Variants in DGKI observed in about 807,000 individuals in gnomAD.
The protein encoded by DGKI is DAG kinase iota.
Under a neutral mutation model 147.5 loss-of-function variants are expected in DGKI, and 55 were observed. That is an observed-to-expected ratio of 0.37 (90% CI 0.30 to 0.47). The LOEUF is 0.47. DGKI is among the 20% of genes least tolerant of loss of function. The probability of loss-of-function intolerance (pLI) is 1.00; values close to 1 mark genes in which losing one functional copy is unlikely to be tolerated. For synonymous variants in DGKI, 469 were observed against 477.1 expected, an observed-to-expected ratio of 0.98 and a Z score of 0.22; for missense variants, 1,007 against 1,323.8, an observed-to-expected ratio of 0.76 and a Z score of 3.71.
intron 5 of DGKI, among the ~76,000 whole-genome samples, chr7:137,651,855 T>A (rs566384276): frequency 3.2e-4 from 48 of 152,256 alleles, no homozygotes; most frequent in African/African-American, 1.1e-3. Flanking sequence ...ATCTTGAATA[T>A]TTTTGAGAGA....
At chr7:137,429,737 G>A (rs1812983109) in intron 28 of DGKI, among the ~76,000 whole-genome samples, 1 of 142,740 alleles carries the variant, frequency 7.0e-6, no homozygotes, top group Non-Finnish European at 1.5e-5. Context: ...TCAAAAAGTG[G>A]GCGAAGGACA....
At chr7:137,721,221 C>T (rs1286053974) in intron 1 of DGKI, among the ~76,000 whole-genome samples, 1 of 152,196 alleles carries the variant, frequency 6.6e-6, no homozygotes, top group Non-Finnish European at 1.5e-5. Flanking sequence ...AGGCCCTACA[C>T]CACATTGTTT....
In DGKI at chr7:137,517,279, A is replaced by AAG. The variant is rs1816788718; in HGVS notation, c.2248+4586_2248+4587insCT. Reference sequence around the variant, plus strand: ...AAGAAAGAAAGAAAGAAAGAAAAGAAAAAGAAAGAAAGAAAGAAAGAAAGA... The same window carrying AAG: ...AAGAAAGAAAGAAAGAAAGAAAAGAAAGAAAGAAAGAAAGAAAGAAAGAAAGA... On this transcript the variant is annotated intron_variant, in intron 21 of 32. Coordinates refer to ENST00000614521, the MANE Select transcript of DGKI (RefSeq NM_001321708.2). Among the ~76,000 whole-genome samples, 80 of 79,784 alleles carry AAG rather than the reference A, an allele frequency of 1.0e-3. 2 individuals are homozygous for AAG. The highest frequency in any genetic ancestry group is 4.4e-3 in the African/African-American group (64 of 14,416). The allele number at this position is 79,784 out of a possible 152,430, so 52.3% of individuals were successfully genotyped here.
At chr7:137,814,739 A>C (rs1179726239) in intron 1 of DGKI, among the ~76,000 whole-genome samples, 3 of 152,230 alleles carry the variant, frequency 2.0e-5, no homozygotes, top group Non-Finnish European at 4.4e-5. Flanking sequence ...AGTATTATTA[A>C]ATGTTATAAG....
At chr7:137,430,401 T>C (rs941988601) in intron 28 of DGKI, among the ~76,000 whole-genome samples, 1 of 119,748 alleles carries the variant, frequency 8.4e-6, no homozygotes, top group Non-Finnish European at 1.7e-5. Context: ...CTGGGGACTA[T>C]TGTGGCGTGG....
intron 3 of DGKI, among the ~76,000 whole-genome samples, chr7:137,662,788 T>C (rs1822491908): frequency 6.6e-6 from 1 of 152,176 alleles, no homozygotes; most frequent in Non-Finnish European, 1.5e-5. Flanking sequence ...AAAGACTCCA[T>C]GTGTTTGTGC....
intron 28 of DGKI, among the ~76,000 whole-genome samples, chr7:137,421,737 C>T (rs1259069039): frequency 6.6e-6 from 1 of 152,220 alleles, no homozygotes; most frequent in East Asian, 1.9e-4. Context: ...CATGAGGACA[C>T]TTTTTTCTCT....
intron 22 of DGKI, 77 bp from the exon 23 acceptor site, chr7:137,485,495 G>A: frequency 9.1e-7 from 1 of 1,095,292 alleles, no homozygotes; most frequent in Non-Finnish European, 1.3e-6. Flanking sequence ...AATCTCAACT[G>A]AACTCCCAAT....
At position 137,831,224 on chromosome 7, in the gene DGKI, T is replaced by A. The variant is rs867553080; in HGVS notation, c.401+15238A>T. ...GATATTTTATCAGTTAGACTTTTTT[T>A]AAACCACCTAGTTAACTTAAACAAA... On this transcript the variant is annotated intron_variant, in intron 1 of 32. Coordinates refer to ENST00000614521, the MANE Select transcript of DGKI (RefSeq NM_001321708.2). Among the ~76,000 whole-genome samples the A allele has an allele frequency of 3.3e-5, 5 of 152,342 alleles. No individual in the cohort carries two copies. The South Asian group carries it at 6.2e-4, about 19-fold the overall frequency.
At chr7:137,402,857 G>A (rs960497959) in intron 30 of DGKI, among the ~76,000 whole-genome samples, 2 of 151,836 alleles carry the variant, frequency 1.3e-5, no homozygotes, top group Non-Finnish European at 2.9e-5. Flanking sequence ...AGAAAAAGGG[G>A]GGTTAAAAAA....
intron 28 of DGKI, among the ~76,000 whole-genome samples, chr7:137,422,307 C>T (rs1313998751): frequency 6.6e-6 from 1 of 152,144 alleles, no homozygotes; most frequent in Non-Finnish European, 1.5e-5. Context: ...AAAGGACCAG[C>T]AAAGGGTCTT....
At chr7:137,675,457 G>A (rs1383721307) in intron 3 of DGKI, among the ~76,000 whole-genome samples, 1 of 141,130 alleles carries the variant, frequency 7.1e-6, no homozygotes, top group Non-Finnish European at 1.5e-5. Context: ...GGCCGAGGCG[G>A]GTGGATCCCC....
At chr7:137,698,297 T>G (rs901106349) in intron 1 of DGKI, among the ~76,000 whole-genome samples, 1 of 152,146 alleles carries the variant, frequency 6.6e-6, no homozygotes, top group Non-Finnish European at 1.5e-5. Context: ...CCCACTTTCT[T>G]TCTGATTGGA....
rs774232164 is a variant in DGKI, at chr7:137,599,882, G to T, written c.1191C>A (p.Phe397Leu). The change falls in exon 11 of 33, where the codon TTC becomes TTA. Residue 397 changes from phenylalanine to leucine, a missense_variant. Transcript: ENST00000614521. ...CTTGCCGTGGATTCAGGTACCACAT[G>T]AACATCTGCAGGACTTTGGTTCCCT... ...GNQGTKVLQM[F>L]MWYLNPRQVF... 1.4e-5 allele frequency: 23 copies of T among 1,613,660 alleles called. No homozygotes were observed. Among genetic ancestry groups the T allele is most frequent in the Non-Finnish European group, 1.9e-5 (23 of 1,179,650 alleles).
chr7:137,807,136 T>G (rs1585516994), intron 1 of DGKI, among the ~76,000 whole-genome samples: 2 of 152,354 alleles, frequency 1.3e-5, no homozygotes, highest in East Asian at 3.9e-4. Context: ...GCGTCACAAG[T>G]CTATCTGTGA....
rs569010350 is a variant in DGKI, at chr7:137,794,750, G to A, written c.401+51712C>T. Among the ~76,000 whole-genome samples the A allele has an allele frequency of 1.4e-3, 210 of 152,306 alleles. 1 individual carries two copies. The highest frequency in any genetic ancestry group is 5.0e-3 in the African/African-American group (206 of 41,566). ...TGGCTTTATCAGGTTTCTAAGTTGA[G>A]ACAGATATCTACTCAGGTTTTATCA... On this transcript the variant is annotated intron_variant, in intron 1 of 32. Coordinates refer to ENST00000614521, the MANE Select transcript of DGKI (RefSeq NM_001321708.2).
At chr7:137,841,006 C>T (rs1389592708) in intron 1 of DGKI, among the ~76,000 whole-genome samples, 2 of 152,224 alleles carry the variant, frequency 1.3e-5, no homozygotes, top group East Asian at 1.9e-4. Flanking sequence ...CCTAACAAAC[C>T]TGTATTACTA....
chr7:137,436,197 G>C (rs1486712169), intron 28 of DGKI, among the ~76,000 whole-genome samples: 1 of 152,152 alleles, frequency 6.6e-6, no homozygotes, highest in African/African-American at 2.4e-5. Flanking sequence ...TTAAAAAAAT[G>C]AATGTTATTG....
chr7:137,801,697 A>G (rs561321623), intron 1 of DGKI, among the ~76,000 whole-genome samples: 80 of 152,318 alleles, frequency 5.3e-4, no homozygotes, highest in Non-Finnish European at 9.3e-4. Flanking sequence ...AATGGGAAAC[A>G]AGGGAGTGTG....
Sources: allele counts gnomAD v4.1 joint callset (sites outside exome capture counted in the v4.1 genomes callset), GRCh38; gene constraint gnomAD v4.1.1; transcripts MANE v1.5; gene names NCBI Gene and HGNC (gene_info 2026-07-23, HGNC 2026-07-21).